The following KIF26B variants were observed in gnomAD, a reference collection of about 807,000 sequenced individuals.
KIF26B encodes kinesin family member 26B.
A neutral mutation model predicts 151.2 loss-of-function variants in KIF26B; 63 were observed. The observed-to-expected ratio is 0.42, with a 90% CI of 0.34 to 0.51. KIF26B has a LOEUF of 0.51. KIF26B is among the 20% of genes least tolerant of loss of function. KIF26B has a pLI of 0.07. For synonymous variants in KIF26B, 1,357 were observed against 1,262.1 expected (o/e 1.08, Z -1.59); for missense variants, 2,813 against 2,913.6 (o/e 0.97, Z 0.79).
chr1:245,191,336 G>A (rs1197863106), intron 2 of KIF26B, among the ~76,000 whole-genome samples: 4 of 151,850 alleles, frequency 2.6e-5, no homozygotes, highest in Admixed American at 6.6e-5. Context: ...TTAGCTGGGC[G>A]TGATGGCAGA....
intron 10 of KIF26B, among the ~76,000 whole-genome samples, chr1:245,646,766 T>G (rs10924277): frequency 0.032 from 4,841 of 152,292 alleles, 108 homozygotes; most frequent in African/African-American, 0.057. Flanking sequence ...ACGCTCCTGG[T>G]GACATGTATT....
chr1:245,340,443 A>G (rs1450357471), intron 2 of KIF26B, among the ~76,000 whole-genome samples: 1 of 151,800 alleles, frequency 6.6e-6, no homozygotes, highest in Non-Finnish European at 1.5e-5. Flanking sequence ...GTTTGAATCC[A>G]TAAATGTGGA....
At position 245,597,850 on chromosome 1, in the gene KIF26B, T is replaced by C. The variant is rs1159882556; in HGVS notation, c.1351-4727T>C. Among the ~76,000 whole-genome samples the C allele has an allele frequency of 6.6e-6, 1 of 152,070 alleles. No homozygotes were observed. The highest frequency in any genetic ancestry group is 1.5e-5 in the Non-Finnish European group (1 of 68,032). ...TTCCTTTTCATTCTTTTTTCTCTAA[T>C]CTTGTCTTCACGCTTTATTTCACTA... On this transcript the variant is annotated intron_variant, in intron 5 of 14. Transcript: ENST00000407071. This position sits in a 1 kb window ranked among gnomAD's most constrained non-coding sequence, Gnocchi z 4.6.
chr1:245,663,284 T>C (rs1021529143), intron 10 of KIF26B, among the ~76,000 whole-genome samples: 2 of 152,066 alleles, frequency 1.3e-5, no homozygotes, highest in Non-Finnish European at 1.5e-5. Flanking sequence ...ACCCATTTTT[T>C]TTTTCTTATA....
chr1:245,499,602 G>T (rs1382968958), intron 4 of KIF26B, among the ~76,000 whole-genome samples: 1 of 152,230 alleles, frequency 6.6e-6, no homozygotes, highest in Admixed American at 6.5e-5. Flanking sequence ...AAGCCAAAAA[G>T]TTTCCACTTA....
At chr1:245,215,567 C>T (rs975752723) in intron 2 of KIF26B, among the ~76,000 whole-genome samples, 5 of 152,132 alleles carry the variant, frequency 3.3e-5, no homozygotes, top group African/African-American at 9.7e-5. Context: ...TGTTAGTTAA[C>T]GCATCCATTC....
intron 4 of KIF26B, among the ~76,000 whole-genome samples, chr1:245,533,778 C>G (rs1661430700): frequency 6.6e-6 from 1 of 151,282 alleles, no homozygotes; most frequent in Non-Finnish European, 1.5e-5. Flanking sequence ...GACAAATAGT[C>G]TATTATACAA....
chr1:245,331,441 G>A (rs1026280234), intron 2 of KIF26B, among the ~76,000 whole-genome samples: 2 of 152,190 alleles, frequency 1.3e-5, no homozygotes, highest in Admixed American at 6.5e-5. Context: ...ATGAAAACGC[G>A]GATCTGAAAA....
At chr1:245,354,065 G>T (rs1672628603) in intron 2 of KIF26B, 3 of 152,246 alleles carry the variant, frequency 2.0e-5, no homozygotes, top group African/African-American at 7.3e-5. Context: ...TCCTCTGAGG[G>T]TCTCCTCAGC....
intron 3 of KIF26B, among the ~76,000 whole-genome samples, chr1:245,388,176 G>A (rs981569259): frequency 6.6e-6 from 1 of 152,078 alleles, no homozygotes; most frequent in Admixed American, 6.6e-5. Flanking sequence ...TCTCATTGGA[G>A]AAAGGACCAT....
At chr1:245,270,179 C>A (rs1369900499) in intron 2 of KIF26B, among the ~76,000 whole-genome samples, 1 of 143,806 alleles carries the variant, frequency 7.0e-6, no homozygotes, top group Non-Finnish European at 1.5e-5. Context: ...CCCTTCTTCC[C>A]TTCCATTCCT....
At chr1:245,340,487 C>G (rs1429190812) in intron 2 of KIF26B, among the ~76,000 whole-genome samples, 1 of 151,492 alleles carries the variant, frequency 6.6e-6, no homozygotes, top group East Asian at 1.9e-4. Flanking sequence ...TATGTACTAA[C>G]ATATAAATAG....
chr1:245,370,771 T>A (rs1673097201), intron 3 of KIF26B: 2 of 382,234 alleles, frequency 5.2e-6, no homozygotes, highest in Non-Finnish European at 1.1e-5. Context: ...TATTTGTGCG[T>A]TTCTTTTATT....
At chr1:245,681,874 G>T (rs751955406) in intron 10 of KIF26B, among the ~76,000 whole-genome samples, 3 of 152,212 alleles carry the variant, frequency 2.0e-5, no homozygotes, top group Non-Finnish European at 4.4e-5. Flanking sequence ...ACAAGGTTAC[G>T]TATTGACCAG....
chr1:245,160,635 T>A (rs1025963008), intron 2 of KIF26B, among the ~76,000 whole-genome samples: 2 of 150,828 alleles, frequency 1.3e-5, no homozygotes, highest in African/African-American at 4.9e-5. Context: ...TCCATATCAA[T>A]AAAAGAAAAT....
At chr1:245,492,842 G>A (rs1660435921) in intron 4 of KIF26B, among the ~76,000 whole-genome samples, 1 of 152,038 alleles carries the variant, frequency 6.6e-6, no homozygotes. Context: ...GTGCAGTGGC[G>A]TGATCTTGGC....
At chr1:245,315,567 C>T (rs1156917600) in intron 2 of KIF26B, among the ~76,000 whole-genome samples, 1 of 151,904 alleles carries the variant, frequency 6.6e-6, no homozygotes, top group Non-Finnish European at 1.5e-5. Context: ...ACTAAAAATA[C>T]ACAAATTAGC....
At chr1:245,659,222 A>G (rs982296158) in intron 10 of KIF26B, among the ~76,000 whole-genome samples, 1 of 152,110 alleles carries the variant, frequency 6.6e-6, no homozygotes, top group African/African-American at 2.4e-5. Flanking sequence ...TGGGCAACAG[A>G]GCAAGACCCT....
chr1:245,461,294 C>T (rs1008564357), intron 4 of KIF26B, among the ~76,000 whole-genome samples: 2 of 151,922 alleles, frequency 1.3e-5, no homozygotes, highest in African/African-American at 4.8e-5. Flanking sequence ...TCAGTTTTCC[C>T]AATTTTTATC....
Sources: allele counts gnomAD v4.1 joint callset (sites outside exome capture counted in the v4.1 genomes callset), GRCh38; gene constraint gnomAD v4.1.1; non-coding constraint Gnocchi (gnomAD v3.1); transcripts MANE v1.5; gene names NCBI Gene and HGNC (gene_info 2026-07-23, HGNC 2026-07-21).